The following COL23A1 variants were observed in gnomAD, a reference collection of about 807,000 sequenced individuals.
COL23A1 encodes collagen type XXIII alpha 1 chain.
In COL23A1, 97 loss-of-function variants were observed where a neutral mutation model predicts 99.3. The ratio of observed to expected loss-of-function variants is 0.98; its 90% CI spans 0.83 to 1.16. The LOEUF (loss-of-function observed/expected upper bound fraction) is 1.16, where lower values mean the gene tolerates loss of function less well. COL23A1 is among the 50% of genes most tolerant of loss of function. The probability of loss-of-function intolerance (pLI) is 0.00; values close to 1 mark genes in which losing one functional copy is unlikely to be tolerated. For missense variants in COL23A1, 762 were observed against 757.4 expected (o/e 1.01, Z -0.07); for synonymous variants, 320 against 308.2 (o/e 1.04, Z -0.40).
chr5:178,245,003 C>G (rs1764595224), intron 25 of COL23A1, among the ~76,000 whole-genome samples: 1 of 150,238 alleles, frequency 6.7e-6, no homozygotes, highest in Non-Finnish European at 1.5e-5. Flanking sequence ...ATCCATCCAT[C>G]CATCCCTCCA....
chr5:178,240,093 A>G (rs1042400644), intron 27 of COL23A1, among the ~76,000 whole-genome samples: 9 of 152,086 alleles, frequency 5.9e-5, no homozygotes, highest in African/African-American at 2.2e-4. Context: ...GGCCTGGGGT[A>G]GGGCTATCTA....
intron 2 of COL23A1, among the ~76,000 whole-genome samples, chr5:178,346,731 G>A (rs1183931784): frequency 4.6e-5 from 7 of 152,056 alleles, no homozygotes; most frequent in South Asian, 2.1e-4. Flanking sequence ...CCTTCCCCCC[G>A]AAAAGATCAT....
Position 178,308,670 on chromosome 5 carries a change from A to T in COL23A1, c.362-1751T>A, listed in dbSNP as rs1442204880. Among the ~76,000 whole-genome samples, 9 of 152,340 alleles carry T rather than the reference A, an allele frequency of 5.9e-5. No homozygotes were observed. The East Asian group carries it at 1.7e-3, about 29-fold the overall frequency. On this transcript the variant is annotated intron_variant, in intron 2 of 28. Coordinates refer to ENST00000390654, the MANE Select transcript of COL23A1 (RefSeq NM_173465.4). This position sits in a 1 kb window ranked among gnomAD's most constrained non-coding sequence, Gnocchi z 5.1. ...ATCTCCACGTGCTTGTCCCACCAGC[A>T]TCTCAGACCAGTTGTGGCCCAAACA... is the stretch of plus-strand genomic sequence containing the variant.
At chr5:178,243,488 CA>C (rs1199927228) in intron 25 of COL23A1, among the ~76,000 whole-genome samples, 2,243 of 86,736 alleles carry the variant, frequency 0.026, 14 homozygotes, top group African/African-American at 0.029. Context: ...ACTCCATCTC[CA>C]AAAAAAAAAA....
chr5:178,253,310 T>A (rs1471907886), intron 16 of COL23A1, among the ~76,000 whole-genome samples: 1 of 147,448 alleles, frequency 6.8e-6, no homozygotes, highest in Non-Finnish European at 1.5e-5. Flanking sequence ...CCTGTGCCCT[T>A]CTTGTTGGTG....
At chr5:178,517,873 C>CTTTTTTTTTTTTTTTTTTT (rs71577021) in intron 2 of COL23A1, among the ~76,000 whole-genome samples, 18 of 97,710 alleles carry the variant, frequency 1.8e-4, no homozygotes, top group Non-Finnish European at 2.6e-4. Context: ...AACAGCGGTT[C>CTTTTTTTTTTTTTTTTTTT]TTTTTTTTTT....
chr5:178,342,252 G>A lies in COL23A1; in HGVS notation c.362-35333C>T, dbSNP rs143181942. ...TGGAGCTCCAGCAGGTCTGGGATGG[G>A]GACTGCCATCTGGCCGGGTGACAGC... is the stretch of plus-strand genomic sequence containing the variant. On this transcript the variant is annotated intron_variant, in intron 2 of 28. Coordinates refer to ENST00000390654, the MANE Select transcript of COL23A1 (RefSeq NM_173465.4). 6.1e-3 allele frequency among the ~76,000 whole-genome samples: 929 copies of A among 152,284 alleles called. 8 individuals carry two copies. Among genetic ancestry groups the A allele is most frequent in the African/African-American group, 0.021 (864 of 41,548 alleles).
chr5:178,526,700 GGA>G (rs1377059521), intron 2 of COL23A1, among the ~76,000 whole-genome samples: 3 of 152,136 alleles, frequency 2.0e-5, no homozygotes, highest in African/African-American at 7.2e-5. Flanking sequence ...GCTGGGCCAA[GGA>G]TAGAGGGGGT....
At chr5:178,336,813 C>T (rs377622117) in intron 2 of COL23A1, among the ~76,000 whole-genome samples, 12 of 152,084 alleles carry the variant, frequency 7.9e-5, no homozygotes, top group African/African-American at 1.9e-4. Flanking sequence ...TTGGACTTAA[C>T]GGTGCTTTTA....
chr5:178,500,051 T>C (rs1581511215), intron 2 of COL23A1, among the ~76,000 whole-genome samples: 2 of 151,840 alleles, frequency 1.3e-5, no homozygotes, highest in African/African-American at 4.8e-5. Context: ...CACCTGGGAA[T>C]GGAGAGAGGG....
chr5:178,368,177 T>C (rs574622106), intron 2 of COL23A1, among the ~76,000 whole-genome samples: 27 of 152,096 alleles, frequency 1.8e-4, no homozygotes, highest in Non-Finnish European at 3.5e-4. Flanking sequence ...ACTTTCCATG[T>C]GTGAAAGGCA....
chr5:178,324,863 G>T (rs1759553850), intron 2 of COL23A1, among the ~76,000 whole-genome samples: 1 of 152,180 alleles, frequency 6.6e-6, no homozygotes, highest in African/African-American at 2.4e-5. Flanking sequence ...CTCGGCGGGG[G>T]TTGCAGGTGG....
chr5:178,299,744 T>C (rs1295894551), intron 3 of COL23A1, among the ~76,000 whole-genome samples: 1 of 151,886 alleles, frequency 6.6e-6, no homozygotes, highest in East Asian at 1.9e-4. Context: ...AATTTTTATT[T>C]CATATTTATT....
intron 2 of COL23A1, among the ~76,000 whole-genome samples, chr5:178,487,473 A>G (rs1757700392): frequency 6.6e-6 from 1 of 152,068 alleles, no homozygotes; most frequent in Admixed American, 6.6e-5. Context: ...GCGTGCAACC[A>G]CCATGCTCAG....
chr5:178,287,240 C>A (rs918777216), intron 5 of COL23A1, among the ~76,000 whole-genome samples: 2 of 152,230 alleles, frequency 1.3e-5, no homozygotes, highest in African/African-American at 4.8e-5. Context: ...ATTCTTACTT[C>A]CGCAGAGTCT....
intron 25 of COL23A1, among the ~76,000 whole-genome samples, chr5:178,245,423 C>T (rs1764632647): frequency 6.7e-6 from 1 of 149,792 alleles, no homozygotes; most frequent in Admixed American, 6.6e-5. Context: ...CCATTCAATC[C>T]TCCATCCATT....
intron 3 of COL23A1, among the ~76,000 whole-genome samples, chr5:178,301,182 T>A (rs1417954926): frequency 2.0e-5 from 3 of 152,212 alleles, no homozygotes; most frequent in Admixed American, 2.0e-4. Context: ...TTGCTGATTC[T>A]TTCTTCTGTC....
intron 2 of COL23A1, among the ~76,000 whole-genome samples, chr5:178,355,569 G>C (rs1761596240): frequency 6.6e-6 from 1 of 152,152 alleles, no homozygotes. Flanking sequence ...GTCTTGCTCT[G>C]TTGCCCAGGC....
intron 1 of COL23A1, among the ~76,000 whole-genome samples, chr5:178,563,811 G>A (rs1003060235): frequency 2.6e-5 from 4 of 152,044 alleles, no homozygotes; most frequent in East Asian, 1.9e-4. Flanking sequence ...GATTACAGAC[G>A]TTGAGTCACC....
Sources: gnomAD v4.1 joint callset for allele counts (sites outside exome capture counted in the v4.1 genomes callset) on GRCh38, gnomAD v4.1.1 for gene constraint, Gnocchi (gnomAD v3.1) non-coding constraint, MANE v1.5 for transcripts, NCBI Gene and HGNC (gene_info 2026-07-23, HGNC 2026-07-21) for gene names.